HSD17B12: variants seen among roughly 807,000 people sequenced by gnomAD.
The protein encoded by HSD17B12 is very-long-chain 3-oxoacyl-CoA reductase.
Under a neutral mutation model 39.3 loss-of-function variants are expected in HSD17B12, and 32 were observed. The ratio of observed to expected loss-of-function variants is 0.81; its 90% confidence interval spans 0.61 to 1.09. The LOEUF (loss-of-function observed/expected upper bound fraction) is 1.09. Among genes scored for constraint, HSD17B12 ranks in the 50% least tolerant of loss-of-function variants. The pLI is 0.00. For synonymous variants in HSD17B12, 150 were observed against 146.7 expected, an observed-to-expected ratio of 1.02 and a Z score of -0.16; for missense variants, 342 against 382.9, an observed-to-expected ratio of 0.89 and a Z score of 0.89.
At chr11:43,835,237 G>A (rs928597111) in intron 7 of HSD17B12, among the ~76,000 whole-genome samples, 3 of 152,040 alleles carry the variant, frequency 2.0e-5, no homozygotes, top group Non-Finnish European at 4.4e-5. Flanking sequence ...TGATATAACA[G>A]AGTTGTCATG....
intron 1 of HSD17B12, among the ~76,000 whole-genome samples, chr11:43,709,401 C>T (rs924646625): frequency 1.3e-5 from 2 of 152,252 alleles, no homozygotes; most frequent in Admixed American, 6.5e-5. Flanking sequence ...GTTGGGATTA[C>T]AGGCGTGAGC....
chr11:43,690,449 A>G (rs1949852499), intron 1 of HSD17B12, among the ~76,000 whole-genome samples: 1 of 120,112 alleles, frequency 8.3e-6, no homozygotes, highest in Admixed American at 1.0e-4. Flanking sequence ...TATATTGCCC[A>G]GGCTGGCCTC....
the HSD17B12 span, among the ~76,000 whole-genome samples, chr11:43,636,506 G>C: frequency 6.6e-6 from 1 of 151,852 alleles, no homozygotes; most frequent in East Asian, 1.9e-4. Flanking sequence ...CATATCTCTG[G>C]AGTTACCATT....
At chr11:43,837,010 C>G (rs1040023889) in intron 7 of HSD17B12, among the ~76,000 whole-genome samples, 1 of 152,094 alleles carries the variant, frequency 6.6e-6, no homozygotes, top group African/African-American at 2.4e-5. Flanking sequence ...ATGGGTTTCA[C>G]AGTTTAGGAA....
At chr11:43,640,182 G>A in the HSD17B12 span, among the ~76,000 whole-genome samples, 1 of 152,070 alleles carries the variant, frequency 6.6e-6, no homozygotes, top group Non-Finnish European at 1.5e-5. Context: ...GAAAACTGGT[G>A]TAGGAAAAAC....
the HSD17B12 span, among the ~76,000 whole-genome samples, chr11:43,659,941 A>G: frequency 6.6e-6 from 1 of 152,116 alleles, no homozygotes; most frequent in Non-Finnish European, 1.5e-5. Context: ...TTTTAAGCCC[A>G]AACTAGATTT....
At chr11:43,627,209 A>G in the HSD17B12 span, among the ~76,000 whole-genome samples, 1 of 149,198 alleles carries the variant, frequency 6.7e-6, no homozygotes, top group Non-Finnish European at 1.5e-5. Context: ...TGAATTTGCC[A>G]TCTAAATGTT....
chr11:43,694,785 C>T (rs1949894668), intron 1 of HSD17B12, among the ~76,000 whole-genome samples: 1 of 152,116 alleles, frequency 6.6e-6, no homozygotes, highest in African/African-American at 2.4e-5. Context: ...ATTAACGTTA[C>T]ATTCTAGGGC....
At chr11:43,720,167 T>G (rs1950164159) in intron 1 of HSD17B12, among the ~76,000 whole-genome samples, 1 of 152,224 alleles carries the variant, frequency 6.6e-6, no homozygotes, top group South Asian at 2.1e-4. Context: ...TTTCAGATCT[T>G]TCGCCAGTTG....
At chr11:43,673,750 T>G in the HSD17B12 span, among the ~76,000 whole-genome samples, 185 of 152,226 alleles carry the variant, frequency 1.2e-3, 1 homozygote, top group Non-Finnish European at 2.1e-3. Flanking sequence ...TTCGAACTCC[T>G]GAGCTCAAGG....
At chr11:43,614,083 T>A in the HSD17B12 span, among the ~76,000 whole-genome samples, 1 of 152,192 alleles carries the variant, frequency 6.6e-6, no homozygotes, top group Non-Finnish European at 1.5e-5. Context: ...ACAATTACTT[T>A]TAAGGAGATC....
At chr11:43,716,039 GA>G (rs1348997057) in intron 1 of HSD17B12, among the ~76,000 whole-genome samples, 1 of 152,120 alleles carries the variant, frequency 6.6e-6, no homozygotes, top group East Asian at 1.9e-4. Context: ...ACATTTATGT[GA>G]AAAGAAGAGG....
At chr11:43,812,575 TA>T (rs1189663073) in intron 4 of HSD17B12, among the ~76,000 whole-genome samples, 1 of 152,240 alleles carries the variant, frequency 6.6e-6, no homozygotes, top group African/African-American at 2.4e-5. Flanking sequence ...TCTTGTTTTT[TA>T]AACTATTCAG....
At chr11:43,682,871 A>G (rs1259880453) in intron 1 of HSD17B12, among the ~76,000 whole-genome samples, 1 of 151,800 alleles carries the variant, frequency 6.6e-6, no homozygotes, top group African/African-American at 2.4e-5. Context: ...AGCCAACTGC[A>G]GCCTCGAACT....
intron 1 of HSD17B12, among the ~76,000 whole-genome samples, chr11:43,695,943 C>G (rs941146884): frequency 2.0e-5 from 3 of 152,088 alleles, no homozygotes; most frequent in Admixed American, 2.0e-4. Context: ...TATTTCATCA[C>G]CGAGGTATTA....
intron 6 of HSD17B12, among the ~76,000 whole-genome samples, chr11:43,829,050 C>T (rs1951279662): frequency 6.6e-6 from 1 of 152,096 alleles, no homozygotes; most frequent in African/African-American, 2.4e-5. Flanking sequence ...GTTAAGTTTT[C>T]TCAGGCTTTT....
intron 4 of HSD17B12, 114 bp from the exon 5 acceptor site, chr11:43,815,323 G>T: frequency 2.0e-6 from 1 of 494,450 alleles, no homozygotes; most frequent in South Asian, 5.5e-5. Context: ...GCCATAAACA[G>T]CATTTTATAT....
At chr11:43,789,376 A>C (rs1195624189) in intron 3 of HSD17B12, among the ~76,000 whole-genome samples, 1 of 152,210 alleles carries the variant, frequency 6.6e-6, no homozygotes, top group African/African-American at 2.4e-5. Flanking sequence ...TTGAGCTCCT[A>C]TAAAGTACCA....
At chr11:43,699,390 C>G (rs1407327022) in intron 1 of HSD17B12, among the ~76,000 whole-genome samples, 1 of 151,894 alleles carries the variant, frequency 6.6e-6, no homozygotes, top group Non-Finnish European at 1.5e-5. Flanking sequence ...AAGCTAGATT[C>G]TGATGAATTA....
Sources: allele counts gnomAD v4.1 joint callset (sites outside exome capture counted in the v4.1 genomes callset), GRCh38; gene constraint gnomAD v4.1.1; transcripts MANE v1.5; gene names NCBI Gene and HGNC (gene_info 2026-07-23, HGNC 2026-07-21).